The following PCDH9 variants were observed in gnomAD, a reference collection of about 807,000 sequenced individuals.
PCDH9 encodes the protein protocadherin 9, also known as protocadherin-9.
Under a neutral mutation model 70.6 loss-of-function variants are expected in PCDH9, and 24 were observed. The observed-to-expected ratio is 0.34, with a 90% CI of 0.25 to 0.48. The LOEUF (loss-of-function observed/expected upper bound fraction) is 0.48, where lower values mean the gene tolerates loss of function less well. PCDH9 is among the 20% of genes least tolerant of loss of function. PCDH9 has a pLI of 0.99. For missense variants in PCDH9, 1,281 were observed against 1,503.6 expected, an observed-to-expected ratio of 0.85 and a Z score of 2.45; for synonymous variants, 562 against 558.5, an observed-to-expected ratio of 1.01 and a Z score of -0.09.
chr13:66,520,647 C>A (rs1282291934), intron 4 of PCDH9, among the ~76,000 whole-genome samples: 2 of 152,160 alleles, frequency 1.3e-5, no homozygotes, highest in Non-Finnish European at 2.9e-5. Flanking sequence ...TGTGTATTCA[C>A]AGGATGAATT....
intron 4 of PCDH9, among the ~76,000 whole-genome samples, chr13:66,531,042 C>T (rs1960429089): frequency 6.6e-6 from 1 of 151,090 alleles, no homozygotes; most frequent in South Asian, 2.1e-4. Flanking sequence ...GCTGCAGTGC[C>T]TTAAGAAAAA....
At chr13:66,341,413 T>C (rs1956121852) in intron 4 of PCDH9, among the ~76,000 whole-genome samples, 2 of 152,262 alleles carry the variant, frequency 1.3e-5, no homozygotes, top group South Asian at 4.1e-4. Flanking sequence ...TAAAAGAAGA[T>C]ACTTGCTTTT....
intron 2 of PCDH9, among the ~76,000 whole-genome samples, chr13:67,176,095 G>A (rs958799560): frequency 6.6e-6 from 1 of 152,182 alleles, no homozygotes; most frequent in Non-Finnish European, 1.5e-5. Flanking sequence ...TAACTTGGAA[G>A]CAAAGTTGGC....
chr13:67,218,769 C>A (rs1287729364), intron 2 of PCDH9: 1 of 151,964 alleles, frequency 6.6e-6, no homozygotes, highest in Non-Finnish European at 1.5e-5. Context: ...TATATTTTCT[C>A]AAGGATCCAG....
chr13:67,161,194 T>G (rs1594594528), intron 2 of PCDH9, among the ~76,000 whole-genome samples: 1 of 152,358 alleles, frequency 6.6e-6, no homozygotes, highest in Non-Finnish European at 1.5e-5. Context: ...TCTTTAATTT[T>G]ACTTCAGATA....
chr13:66,736,728 G>T (rs996704034), intron 3 of PCDH9, among the ~76,000 whole-genome samples: 1 of 152,172 alleles, frequency 6.6e-6, no homozygotes, highest in Non-Finnish European at 1.5e-5. Context: ...GAATAGGTAA[G>T]TCTGTTTTTA....
chr13:66,822,494 ATT>A (rs57689980), intron 3 of PCDH9, among the ~76,000 whole-genome samples: 84 of 118,118 alleles, frequency 7.1e-4, no homozygotes, highest in South Asian at 5.4e-3. Context: ...ATGTCCTGGA[ATT>A]TTTTTTTTTT....
chr13:67,079,309 C>A (rs571135530), intron 2 of PCDH9, among the ~76,000 whole-genome samples: 4 of 152,122 alleles, frequency 2.6e-5, no homozygotes, highest in South Asian at 4.2e-4. Flanking sequence ...TAATTATCTA[C>A]CACTTACAAA....
At chr13:66,847,815 A>T (rs1244089317) in intron 3 of PCDH9, among the ~76,000 whole-genome samples, 1 of 152,210 alleles carries the variant, frequency 6.6e-6, no homozygotes, top group East Asian at 1.9e-4. Flanking sequence ...TGCACAGGCC[A>T]CATGGGATGG....
At chr13:67,065,916 G>A (rs1483282765) in intron 2 of PCDH9, among the ~76,000 whole-genome samples, 1 of 152,026 alleles carries the variant, frequency 6.6e-6, no homozygotes, top group Non-Finnish European at 1.5e-5. Flanking sequence ...TACATGTTTT[G>A]AAAGACTAAG....
At chr13:66,693,691 T>C (rs1484058799) in intron 3 of PCDH9, among the ~76,000 whole-genome samples, 1 of 152,174 alleles carries the variant, frequency 6.6e-6, no homozygotes, top group African/African-American at 2.4e-5. Context: ...GTATACAGAA[T>C]GGGCCAAATT....
chr13:66,882,600 C>G (rs77130182), intron 3 of PCDH9, among the ~76,000 whole-genome samples: 5,264 of 152,020 alleles, frequency 0.035, 291 homozygotes, highest in African/African-American at 0.12. Context: ...TATAATTTAC[C>G]CTCAATCAGA....
intron 3 of PCDH9, among the ~76,000 whole-genome samples, chr13:66,708,029 A>C (rs1405364764): frequency 6.6e-6 from 1 of 151,816 alleles, no homozygotes; most frequent in Non-Finnish European, 1.5e-5. Flanking sequence ...CACAGATAAC[A>C]CTTTTATTTT....
chr13:67,143,848 G>T (rs934787325), intron 2 of PCDH9, among the ~76,000 whole-genome samples: 1 of 152,084 alleles, frequency 6.6e-6, no homozygotes, highest in Non-Finnish European at 1.5e-5. Context: ...TAAAGTGTTC[G>T]CAGTAGTTAC....
chr13:67,146,093 T>C (rs909254648), intron 2 of PCDH9, among the ~76,000 whole-genome samples: 1 of 152,100 alleles, frequency 6.6e-6, no homozygotes, highest in African/African-American at 2.4e-5. Flanking sequence ...GGCAGGTAAT[T>C]GAGGAAATAG....
At chr13:66,801,875 T>C (rs1476693199) in intron 3 of PCDH9, among the ~76,000 whole-genome samples, 1 of 152,052 alleles carries the variant, frequency 6.6e-6, no homozygotes, top group Non-Finnish European at 1.5e-5. Flanking sequence ...AAAATCACTA[T>C]AATCATTCTA....
At chr13:66,773,265 A>G (rs1338241677) in intron 3 of PCDH9, among the ~76,000 whole-genome samples, 1 of 152,220 alleles carries the variant, frequency 6.6e-6, no homozygotes, top group East Asian at 1.9e-4. Context: ...CCAATACAGT[A>G]GCTCTTAGCC....
chr13:66,840,967 G>C (rs971713117), intron 3 of PCDH9, among the ~76,000 whole-genome samples: 5 of 152,208 alleles, frequency 3.3e-5, no homozygotes, highest in Non-Finnish European at 1.5e-5. Context: ...CTGTTTTGTA[G>C]AAGCCATTTG....
At chr13:67,195,390 G>A (rs1277567242) in intron 2 of PCDH9, among the ~76,000 whole-genome samples, 1 of 152,020 alleles carries the variant, frequency 6.6e-6, no homozygotes, top group Non-Finnish European at 1.5e-5. Flanking sequence ...TGATCCACCC[G>A]CCTCGGCCTC....
Sources: allele counts gnomAD v4.1 joint callset (sites outside exome capture counted in the v4.1 genomes callset), GRCh38; gene constraint gnomAD v4.1.1; transcripts MANE v1.5; gene names NCBI Gene and HGNC (gene_info 2026-07-23, HGNC 2026-07-21).